Variants in ZFAND3 observed in about 807,000 individuals in gnomAD.
The protein encoded by ZFAND3 is AN1-type zinc finger protein 3.
Under a neutral mutation model 29.6 loss-of-function variants are expected in ZFAND3, and 10 were observed. The observed-to-expected ratio is 0.34, with a 90% CI of 0.21 to 0.57. The LOEUF (loss-of-function observed/expected upper bound fraction) is 0.57. Among genes scored for constraint, ZFAND3 ranks in the 20% least tolerant of loss-of-function variants. ZFAND3 has a pLI of 0.86. For synonymous variants in ZFAND3, 128 were observed against 112.6 expected, an observed-to-expected ratio of 1.14 and a Z score of -0.87; for missense variants, 230 against 304.5, an observed-to-expected ratio of 0.76 and a Z score of 1.82.
chr6:38,024,600 A>G (rs569585147), intron 2 of ZFAND3, among the ~76,000 whole-genome samples: 1 of 152,232 alleles, frequency 6.6e-6, no homozygotes. Flanking sequence ...GTATATCCAT[A>G]CAGTGGAATA....
chr6:37,937,821 A>C (rs1227783408), intron 2 of ZFAND3, among the ~76,000 whole-genome samples: 1 of 152,192 alleles, frequency 6.6e-6, no homozygotes, highest in Non-Finnish European at 1.5e-5. Flanking sequence ...TAACACACAC[A>C]CACATTTTGG....
intron 5 of ZFAND3, among the ~76,000 whole-genome samples, chr6:38,143,732 G>T (rs941060490): frequency 1.3e-5 from 2 of 152,114 alleles, no homozygotes; most frequent in Non-Finnish European, 2.9e-5. Flanking sequence ...GCTGACTTCT[G>T]TCCATCCAGT....
At chr6:38,048,360 A>C (rs958502398) in intron 2 of ZFAND3, among the ~76,000 whole-genome samples, 15 of 151,698 alleles carry the variant, frequency 9.9e-5, no homozygotes, top group Non-Finnish European at 1.5e-4. Context: ...GGTGGCTCAC[A>C]TCTGTAATCC....
At chr6:37,881,826 GT>G (rs1321624973) in intron 1 of ZFAND3, among the ~76,000 whole-genome samples, 4 of 151,802 alleles carry the variant, frequency 2.6e-5, no homozygotes, top group African/African-American at 9.7e-5. Context: ...AATGCTGTTT[GT>G]ATTTAGAATT....
intron 5 of ZFAND3, among the ~76,000 whole-genome samples, chr6:38,134,464 CT>C (rs1765802893): frequency 6.6e-6 from 1 of 152,070 alleles, no homozygotes; most frequent in Non-Finnish European, 1.5e-5. Flanking sequence ...CTAGTGACTT[CT>C]TTTTTTTCCT....
At chr6:37,970,592 C>T (rs1271713474) in intron 2 of ZFAND3, among the ~76,000 whole-genome samples, 1 of 152,022 alleles carries the variant, frequency 6.6e-6, no homozygotes, top group African/African-American at 2.4e-5. Context: ...GGAGTCTCCC[C>T]GTGATTTTAA....
chr6:37,873,250 A>G (rs992333455), intron 1 of ZFAND3, among the ~76,000 whole-genome samples: 2 of 152,248 alleles, frequency 1.3e-5, no homozygotes, highest in African/African-American at 2.4e-5. Flanking sequence ...AGCCTGGGTG[A>G]CAGAGCGAGA....
At chr6:37,937,677 A>T (rs1221144954) in intron 2 of ZFAND3, among the ~76,000 whole-genome samples, 1 of 130,766 alleles carries the variant, frequency 7.6e-6, no homozygotes, top group Non-Finnish European at 1.7e-5. Context: ...AAAAAAAGGC[A>T]AAAAAAGTAA....
At chr6:37,871,885 T>C (rs1764701253) in intron 1 of ZFAND3, among the ~76,000 whole-genome samples, 1 of 152,238 alleles carries the variant, frequency 6.6e-6, no homozygotes, top group Non-Finnish European at 1.5e-5. Context: ...TTCACTTGAA[T>C]GGTCTCAAAA....
chr6:37,993,405 C>CAACCTCCACCTCCTGGG (rs1321634569), intron 2 of ZFAND3, among the ~76,000 whole-genome samples: 3 of 151,600 alleles, frequency 2.0e-5, no homozygotes, highest in African/African-American at 7.2e-5. Context: ...CAGCTCACTG[C>CAACCTCCACCTCCTGGG]AACCTCCACC....
chr6:38,146,812 T>C (rs1055900607), intron 5 of ZFAND3, among the ~76,000 whole-genome samples: 5 of 152,240 alleles, frequency 3.3e-5, no homozygotes, highest in Admixed American at 2.6e-4. Context: ...CCAAATGATA[T>C]ATAGCTGTAG....
intron 2 of ZFAND3, among the ~76,000 whole-genome samples, chr6:37,960,278 A>G (rs559864593): frequency 5.9e-5 from 9 of 152,346 alleles, no homozygotes; most frequent in African/African-American, 2.2e-4. Context: ...GTCCTGCAAC[A>G]CAGGTAATTC....
rs549932449 is a variant in ZFAND3, at chr6:38,087,768, G to A, written c.361+5311G>A. Among the ~76,000 whole-genome samples the A allele has an allele frequency of 6.5e-4, 99 of 152,324 alleles. 1 individual carries two copies. The South Asian group carries it at 0.017, about 26-fold the overall frequency. ...AATGTAAATTATTACAACCACTATGGAGAACAGTTTGGAGGTTTCTCAAAT... is the reference window on the plus strand; with the variant it reads ...AATGTAAATTATTACAACCACTATGAAGAACAGTTTGGAGGTTTCTCAAAT... On this transcript the variant is annotated intron_variant, in intron 4 of 5. Coordinates refer to ENST00000287218, the MANE Select transcript of ZFAND3 (RefSeq NM_021943.3).
chr6:37,852,375 C>A (rs1435528116), intron 1 of ZFAND3, among the ~76,000 whole-genome samples: 1 of 152,194 alleles, frequency 6.6e-6, no homozygotes, highest in African/African-American at 2.4e-5. Context: ...CAAAGAATTA[C>A]CTGGCAGTGA....
intron 2 of ZFAND3, among the ~76,000 whole-genome samples, chr6:38,018,230 C>T (rs1426645023): frequency 6.6e-6 from 1 of 152,092 alleles, no homozygotes; most frequent in Non-Finnish European, 1.5e-5. Flanking sequence ...ACTACACATT[C>T]CTTTAGTATC....
intron 1 of ZFAND3, among the ~76,000 whole-genome samples, chr6:37,868,517 G>A (rs1320644427): frequency 1.3e-5 from 2 of 152,154 alleles, no homozygotes; most frequent in Non-Finnish European, 2.9e-5. Flanking sequence ...ACTGTAGCGC[G>A]GGGCTGGGGT....
intron 4 of ZFAND3, among the ~76,000 whole-genome samples, chr6:38,092,377 T>A (rs915329031): frequency 1.3e-5 from 2 of 152,146 alleles, no homozygotes; most frequent in Non-Finnish European, 2.9e-5. Flanking sequence ...ATAGAGAGAA[T>A]AAGTACAGAA....
At chr6:38,011,862 C>A (rs1408415763) in intron 2 of ZFAND3, among the ~76,000 whole-genome samples, 1 of 152,134 alleles carries the variant, frequency 6.6e-6, no homozygotes, top group Non-Finnish European at 1.5e-5. Flanking sequence ...TCATGTAAAT[C>A]TTTGGAAAAT....
chr6:38,150,086 G>A (rs1475918646), intron 5 of ZFAND3, among the ~76,000 whole-genome samples: 2 of 152,182 alleles, frequency 1.3e-5, no homozygotes, highest in Non-Finnish European at 2.9e-5. Flanking sequence ...GAATTTACTT[G>A]TTAGATGGAG....
Sources: gnomAD v4.1 joint callset for allele counts (sites outside exome capture counted in the v4.1 genomes callset) on GRCh38, gnomAD v4.1.1 for gene constraint, MANE v1.5 for transcripts, NCBI Gene and HGNC (gene_info 2026-07-23, HGNC 2026-07-21) for gene names.